The following ZNF570 variants were observed in gnomAD, a reference collection of about 807,000 sequenced individuals.
The protein encoded by ZNF570 is zinc finger protein 570.
ZNF570 carries 8 observed loss-of-function variants against 14.2 expected under a neutral mutation model. The ratio of observed to expected loss-of-function variants is 0.56; its 90% CI spans 0.33 to 1.02. The LOEUF is 1.02. Ranked by LOEUF, ZNF570 falls within the 50% of genes least tolerant of loss-of-function variation. The probability of loss-of-function intolerance (pLI) is 0.03; values close to 1 mark genes in which losing one functional copy is unlikely to be tolerated. For missense variants in ZNF570, 559 were observed against 624.9 expected (o/e 0.89, Z 1.12); for synonymous variants, 202 against 207.6 (o/e 0.97, Z 0.23).
upstream of ZNF570, chr19:37,469,228 C>T (rs760943812): frequency 1.8e-5 from 25 of 1,353,258 alleles, no homozygotes; most frequent in African/African-American, 5.9e-5. Flanking sequence ...CTGCGCGGAG[C>T]TGCACCGCTG....
chr19:37,468,053 C>A, upstream of ZNF570: 2 of 820,248 alleles, frequency 2.4e-6, no homozygotes, highest in Non-Finnish European at 3.8e-6. Context: ...AGGTACTTAA[C>A]TTCTCTATGC....
At chr19:37,468,985 T>C (rs2041902941), upstream of ZNF570, 1 of 920,884 alleles carries the variant, frequency 1.1e-6, no homozygotes, top group African/African-American at 1.8e-5. Flanking sequence ...ACAAACCTTT[T>C]CCCTGCGGCC....
At chr19:37,476,705 C>CT (rs35904468) in intron 4 of ZNF570, among the ~76,000 whole-genome samples, 1,855 of 111,820 alleles carry the variant, frequency 0.017, 35 homozygotes, top group South Asian at 0.04. Flanking sequence ...GTCTTATAAA[C>CT]TTTTTTTTTT....
chr19:37,472,888 A>G (rs1043493440), intron 2 of ZNF570, among the ~76,000 whole-genome samples: 1 of 152,176 alleles, frequency 6.6e-6, no homozygotes, highest in Non-Finnish European at 1.5e-5. Context: ...TGAATAGAGA[A>G]AAAGGAATTG....
At chr19:37,469,798 G>A in intron 1 of ZNF570, 1 of 572,788 alleles carries the variant, frequency 1.7e-6, no homozygotes, top group Admixed American at 3.0e-5. Context: ...AAGGGTGCCC[G>A]TGTGAGGCAG....
At chr19:37,469,278 A>T, upstream of ZNF570, 1 of 1,410,560 alleles carries the variant, frequency 7.1e-7, no homozygotes, top group Non-Finnish European at 9.2e-7. Flanking sequence ...TCTACTCCGG[A>T]CTACGTTTCC....
Position 37,470,162 on chromosome 19 carries a change from A to G in ZNF570, c.-51-142A>G. On this transcript the variant is annotated intron_variant, in intron 1 of 4. Transcript: ENST00000330173. ...TAGGCATCAGTTAAATTGTATGCAA[A>G]CAAATTCCTAGGTCTCCATTATGCT... The G allele has an allele frequency of 7.5e-6, 5 of 663,974 alleles. No homozygotes were observed. In the South Asian group the frequency reaches 1.1e-4, roughly 14 times the overall value. The allele number at this position is 663,974 out of a possible 1,614,324, so 41.1% of individuals were successfully genotyped here.
intron 1 of ZNF570, chr19:37,470,090 T>C (rs1338289411): frequency 1.8e-5 from 8 of 454,550 alleles, no homozygotes; most frequent in Non-Finnish European, 3.2e-5. Context: ...TCTGTATTTG[T>C]AAAGCCTAGA....
At chr19:37,476,628 C>G in intron 4 of ZNF570, 194 bp downstream of exon 4, 1 of 747,504 alleles carries the variant, frequency 1.3e-6, no homozygotes, top group Non-Finnish European at 1.9e-6. Flanking sequence ...TTTCCTATCT[C>G]CTTTCTAACA....
At chr19:37,474,633 T>C (rs1268714512) in intron 2 of ZNF570, among the ~76,000 whole-genome samples, 1 of 152,056 alleles carries the variant, frequency 6.6e-6, no homozygotes, top group African/African-American at 2.4e-5. Context: ...CTAATTTTTG[T>C]ATTTTTAGTA....
chr19:37,470,280 C>T, intron 1 of ZNF570, 24 bp from the exon 2 acceptor site: 1 of 1,608,752 alleles, frequency 6.2e-7, no homozygotes, highest in African/African-American at 1.3e-5. Flanking sequence ...AGTCTAGTTT[C>T]TCATGTTCTT....
chr19:37,467,978 G>C, upstream of ZNF570: 5 of 1,529,826 alleles, frequency 3.3e-6, no homozygotes, highest in Non-Finnish European at 4.4e-6. Flanking sequence ...TGAGCGAAAA[G>C]TAGTGTGGCC....
At chr19:37,483,791 C>A in intron 4 of ZNF570, 88 bp from the exon 5 acceptor site, 1 of 1,364,010 alleles carries the variant, frequency 7.3e-7, no homozygotes, top group Non-Finnish European at 9.9e-7. Flanking sequence ...CTATTTAATT[C>A]ACATATTTTA....
intron 1 of ZNF570, chr19:37,470,079 G>T: frequency 2.3e-6 from 1 of 435,598 alleles, no homozygotes; most frequent in Non-Finnish European, 4.1e-6. Context: ...ATTCCTCTGA[G>T]TCTGTATTTG....
rs759962482 is a variant in ZNF570 at position 37,475,970 on chromosome 19, T to C, written c.123T>C (p.Asn41=). The C allele has an allele frequency of 1.2e-6, 2 of 1,613,602 alleles. No individual in the cohort carries two copies. Among genetic ancestry groups the C allele is most frequent in the Admixed American group, 3.3e-5 (2 of 59,950 alleles). The change falls in exon 3 of 5, where the codon AAT becomes AAC. Residue 41 remains asparagine, a synonymous_variant. Transcript: ENST00000330173. ...LDSSQRHLYS[N]VMLENYRILV... ...CTTCTCAAAGACATCTGTACAGTAATGTGATGCTAGAGAACTACAGGATCT... is the reference window on the plus strand; with the variant it reads ...CTTCTCAAAGACATCTGTACAGTAACGTGATGCTAGAGAACTACAGGATCT...
chr19:37,476,339 G>T lies in ZNF570; in HGVS notation c.161G>T (p.Gly54Val). 6.2e-7 allele frequency: 1 copy of T among 1,612,802 alleles called. No individual in the cohort carries two copies. The highest frequency in any genetic ancestry group is 8.5e-7 in the Non-Finnish European group (1 of 1,179,622). Residue 54 changes from glycine (G) to valine (V), a missense_variant and splice_region_variant, in exon 4 of 5, where the codon GGA (glycine) becomes GTA (valine). Gly to Val is a moderately radical substitution (Grantham distance 109, BLOSUM62 -3). Coordinates refer to ENST00000330173, the MANE Select transcript of ZNF570 (RefSeq NM_144694.5). ...CTACTTTTTTTTTTCGTATTTGCAG[G>T]ACTTTGCTTTTCCAAACCAAGTGTG... is the stretch of plus-strand genomic sequence containing the variant. Reference protein sequence around the residue: ...LENYRILVSLGLCFSKPSVIL... With the variant: ...LENYRILVSLVLCFSKPSVIL...
chr19:37,477,335 T>TGTGTGTG (rs2042039158), intron 4 of ZNF570, among the ~76,000 whole-genome samples: 1 of 121,380 alleles, frequency 8.2e-6, no homozygotes, highest in African/African-American at 3.4e-5. Flanking sequence ...GTGTGTGTAT[T>TGTGTGTG]TGTAACTTTT....
chr19:37,468,733 C>T (rs1240117824), upstream of ZNF570, among the ~76,000 whole-genome samples: 2 of 152,184 alleles, frequency 1.3e-5, no homozygotes, highest in Non-Finnish European at 2.9e-5. Context: ...GTCTCGAACT[C>T]CTGACCTCGT....
At chr19:37,476,795 C>T (rs2042030559) in intron 4 of ZNF570, among the ~76,000 whole-genome samples, 1 of 150,194 alleles carries the variant, frequency 6.7e-6, no homozygotes, top group Admixed American at 6.6e-5. Flanking sequence ...CTGCAAGCTC[C>T]GCCTCCCGGG....
Sources: allele counts gnomAD v4.1 joint callset (sites outside exome capture counted in the v4.1 genomes callset), GRCh38; gene constraint gnomAD v4.1.1; transcripts MANE v1.5; gene names NCBI Gene and HGNC (gene_info 2026-07-23, HGNC 2026-07-21).